COMMD1: variants seen among roughly 807,000 people sequenced by gnomAD.
The protein encoded by COMMD1 is COMM domain-containing protein 1.
A neutral mutation model predicts 17.2 loss-of-function variants in COMMD1; 10 were observed. The ratio of observed to expected loss-of-function variants is 0.58; its 90% CI spans 0.36 to 0.99. The LOEUF (loss-of-function observed/expected upper bound fraction) is 0.99, where lower values mean the gene tolerates loss of function less well. Among genes scored for constraint, COMMD1 ranks in the 50% least tolerant of loss-of-function variants. The pLI is 0.01. For missense variants in COMMD1, 270 were observed against 231.8 expected (o/e 1.17, Z -1.07); for synonymous variants, 97 against 91.6 (o/e 1.06, Z -0.34).
chr2:62,063,171 C>G (rs974222869), intron 2 of COMMD1, among the ~76,000 whole-genome samples: 2 of 152,034 alleles, frequency 1.3e-5, no homozygotes, highest in South Asian at 2.1e-4. Flanking sequence ...GAGCCGAGAT[C>G]GCACCACTGC....
At chr2:61,932,021 G>T (rs566400984) in intron 1 of COMMD1, among the ~76,000 whole-genome samples, 2 of 152,266 alleles carry the variant, frequency 1.3e-5, no homozygotes, top group African/African-American at 2.4e-5. Flanking sequence ...CTGAGACAGG[G>T]TCTTGCTCTC....
At chr2:62,080,100 G>A (rs1342170455) in intron 2 of COMMD1, among the ~76,000 whole-genome samples, 1 of 152,080 alleles carries the variant, frequency 6.6e-6, no homozygotes, top group Non-Finnish European at 1.5e-5. Context: ...CCTACCTATG[G>A]TAAGAATCAT....
intron 2 of COMMD1, among the ~76,000 whole-genome samples, chr2:62,080,647 A>G (rs1438627660): frequency 6.6e-6 from 1 of 152,208 alleles, no homozygotes. Flanking sequence ...TGCTACTGAT[A>G]AAACTACTGA....
intron 2 of COMMD1, among the ~76,000 whole-genome samples, chr2:62,056,697 A>G (rs1184196514): frequency 6.6e-6 from 1 of 152,250 alleles, no homozygotes; most frequent in African/African-American, 2.4e-5. Context: ...ATGATCACCA[A>G]TCTCAGCTTT....
At chr2:61,908,145 G>A (rs1218576883) in intron 1 of COMMD1, among the ~76,000 whole-genome samples, 3 of 152,118 alleles carry the variant, frequency 2.0e-5, no homozygotes, top group African/African-American at 7.2e-5. Flanking sequence ...TCTGAGGAAC[G>A]AAGGGATATG....
intron 1 of COMMD1, among the ~76,000 whole-genome samples, chr2:61,952,266 G>C (rs971718778): frequency 1.3e-5 from 2 of 152,112 alleles, no homozygotes; most frequent in African/African-American, 4.8e-5. Context: ...TCAGACTAAT[G>C]AAAGGCCACA....
chr2:61,931,162 A>T (rs1315151072), intron 1 of COMMD1, among the ~76,000 whole-genome samples: 1 of 151,880 alleles, frequency 6.6e-6, no homozygotes, highest in Non-Finnish European at 1.5e-5. Context: ...AAATAGAAAA[A>T]TTAGCCGGGT....
intron 2 of COMMD1, among the ~76,000 whole-genome samples, chr2:62,118,466 T>G (rs1317101193): frequency 2.0e-5 from 3 of 152,242 alleles, no homozygotes; most frequent in Non-Finnish European, 4.4e-5. Flanking sequence ...ATGAAGCTAT[T>G]TGAGTTAGAG....
intron 1 of COMMD1, among the ~76,000 whole-genome samples, chr2:61,944,128 A>G (rs1017791767): frequency 6.6e-6 from 1 of 152,160 alleles, no homozygotes; most frequent in African/African-American, 2.4e-5. Context: ...GATTAATTGC[A>G]GGAGGAAAGG....
chr2:62,089,928 G>A (rs1029095336), intron 2 of COMMD1, among the ~76,000 whole-genome samples: 4 of 152,084 alleles, frequency 2.6e-5, no homozygotes, highest in Non-Finnish European at 4.4e-5. Context: ...TGGTCATTTG[G>A]CAAGGTCCCA....
chr2:61,943,569 T>G lies in COMMD1; in HGVS notation c.180+37711T>G, dbSNP rs533115538. On this transcript the variant is annotated intron_variant, in intron 1 of 2. Transcript: ENST00000311832. ...GAGGAATGAGGCTGGGTGCCTTGGGTCACGCCTGTAATCTCAACACTTTGG... is the reference window on the plus strand; with the variant it reads ...GAGGAATGAGGCTGGGTGCCTTGGGGCACGCCTGTAATCTCAACACTTTGG... Among the ~76,000 whole-genome samples, 79 of 152,286 alleles carry G rather than the reference T, an allele frequency of 5.2e-4. No individual in the cohort carries two copies. The Middle Eastern group carries it at 0.037, about 72-fold the overall frequency.
intron 2 of COMMD1, among the ~76,000 whole-genome samples, chr2:62,126,724 A>G (rs915282644): frequency 6.6e-6 from 1 of 152,086 alleles, no homozygotes; most frequent in African/African-American, 2.4e-5. Context: ...TGCTGTGATG[A>G]TAGTTTCTTT....
At chr2:61,983,346 C>CGTGG (rs1453077199) in intron 1 of COMMD1, among the ~76,000 whole-genome samples, 1 of 151,154 alleles carries the variant, frequency 6.6e-6, no homozygotes, top group African/African-American at 2.5e-5. Context: ...CGTGCCACCA[C>CGTGG]GCCTGGCTAA....
chr2:62,100,491 A>C (rs1445398852), intron 2 of COMMD1, among the ~76,000 whole-genome samples: 1 of 152,210 alleles, frequency 6.6e-6, no homozygotes, highest in East Asian at 1.9e-4. Flanking sequence ...GACTTCGATC[A>C]AATACATTTA....
chr2:61,980,572 C>T (rs1671926842), intron 1 of COMMD1, among the ~76,000 whole-genome samples: 1 of 139,172 alleles, frequency 7.2e-6, no homozygotes, highest in African/African-American at 2.8e-5. Flanking sequence ...TGTTCATGTC[C>T]TTCGCCCACT....
chr2:61,997,105 G>T (rs1196044994), intron 1 of COMMD1, among the ~76,000 whole-genome samples: 1 of 150,954 alleles, frequency 6.6e-6, no homozygotes, highest in African/African-American at 2.4e-5. Flanking sequence ...TGTCACCCAG[G>T]CAGGAGTGCA....
chr2:62,000,514 C>CT (rs1328956020), intron 1 of COMMD1, among the ~76,000 whole-genome samples, 187 bp from the exon 2 acceptor site: 1 of 151,812 alleles, frequency 6.6e-6, no homozygotes, highest in Non-Finnish European at 1.5e-5. Flanking sequence ...AGTTTGGTCT[C>CT]TAACTCCTAA....
intron 2 of COMMD1, among the ~76,000 whole-genome samples, chr2:62,021,256 C>T (rs1214283082): frequency 6.6e-6 from 1 of 152,136 alleles, no homozygotes; most frequent in African/African-American, 2.4e-5. Flanking sequence ...TGGGAATCTT[C>T]AAAACCAGCA....
intron 2 of COMMD1, among the ~76,000 whole-genome samples, chr2:62,091,164 T>C (rs929418716): frequency 6.6e-6 from 1 of 152,244 alleles, no homozygotes; most frequent in African/African-American, 2.4e-5. Flanking sequence ...TCTTTGGGTT[T>C]GGAAGTATGT....
Sources: allele counts gnomAD v4.1 joint callset (sites outside exome capture counted in the v4.1 genomes callset), GRCh38; gene constraint gnomAD v4.1.1; transcripts MANE v1.5; gene names NCBI Gene and HGNC (gene_info 2026-07-23, HGNC 2026-07-21).